Variants in FHIP1A observed in about 807,000 individuals in gnomAD.
FHIP1A encodes the protein FHF complex subunit HOOK-interacting protein 1A.
A neutral mutation model predicts 88.6 loss-of-function variants in FHIP1A; 61 were observed. The observed-to-expected ratio is 0.69, with a 90% CI of 0.56 to 0.85. The LOEUF (loss-of-function observed/expected upper bound fraction) is 0.85. FHIP1A is among the 40% of genes least tolerant of loss of function. The pLI, the probability that FHIP1A is intolerant of heterozygous loss-of-function variation, is 0.00. For missense variants in FHIP1A, 1,154 were observed against 1,273.5 expected (o/e 0.91, Z 1.43); for synonymous variants, 478 against 496.0 (o/e 0.96, Z 0.48).
chr4:151,540,497 G>A lies in FHIP1A; in HGVS notation c.-122-25641G>A, dbSNP rs149777866. ...ATACATTTCATAAAATGGTAAAATC[G>A]ACATTTTATCTTCCTGTGAAAAATT... On this transcript the variant is annotated intron_variant, in intron 3 of 13. Transcript: ENST00000435205. Among the ~76,000 whole-genome samples, 2,353 of 152,000 alleles carry A rather than the reference G, an allele frequency of 0.015. 141 individuals are homozygous for A. In the South Asian group the frequency reaches 0.23, roughly 15 times the overall value.
Position 151,409,620 on chromosome 4 carries a change from G to T in FHIP1A, c.-356+155G>T, listed in dbSNP as rs139335328. Among the ~76,000 whole-genome samples the T allele has an allele frequency of 1.1e-3, 169 of 152,254 alleles. 1 individual carries two copies. The highest frequency in any genetic ancestry group is 1.4e-3 in the Non-Finnish European group (92 of 68,010). On this transcript the variant is annotated intron_variant, in intron 1 of 13. Transcript: ENST00000435205. ...TGAGGGAGCAGGCATTGGGCTGGGG[G>T]CCGGCTGGGGATGTTCCAAACGAGG...
At chr4:151,576,960 T>C (rs1190070736) in intron 4 of FHIP1A, 1 of 153,574 alleles carries the variant, frequency 6.5e-6, no homozygotes, top group Non-Finnish European at 1.4e-5. Flanking sequence ...AAAAGCAATA[T>C]TATACATCAA....
chr4:151,579,475 C>G (rs1733942398), intron 5 of FHIP1A, among the ~76,000 whole-genome samples: 1 of 152,132 alleles, frequency 6.6e-6, no homozygotes, highest in Admixed American at 6.6e-5. Flanking sequence ...TGGGTTTTAG[C>G]TTATTTGAAT....
intron 7 of FHIP1A, among the ~76,000 whole-genome samples, chr4:151,605,892 G>T (rs1007820397): frequency 2.0e-5 from 3 of 152,176 alleles, no homozygotes; most frequent in African/African-American, 7.2e-5. Flanking sequence ...GGGCAGGCTG[G>T]AACTCCGGTA....
At chr4:151,485,903 A>G (rs1343157921) in intron 3 of FHIP1A, among the ~76,000 whole-genome samples, 4 of 152,216 alleles carry the variant, frequency 2.6e-5, no homozygotes, top group East Asian at 1.9e-4. Context: ...TTTATATTTA[A>G]CAAGCCCTCT....
At chr4:151,562,773 TTTTTAGCTTTTCTAATTA>T (rs1425711696) in intron 3 of FHIP1A, among the ~76,000 whole-genome samples, 3 of 152,196 alleles carry the variant, frequency 2.0e-5, no homozygotes, top group African/African-American at 7.2e-5. Flanking sequence ...TTTTGACATA[TTTTTAGCTTTTCTAATTA>T]TTGTAGCTGT....
intron 3 of FHIP1A, among the ~76,000 whole-genome samples, chr4:151,495,051 GTTGT>G (rs760506864): frequency 5.9e-5 from 9 of 152,138 alleles, no homozygotes; most frequent in Non-Finnish European, 1.3e-4. Flanking sequence ...CTTTGCTGAA[GTTGT>G]TTATCAGATT....
Position 151,598,918 on chromosome 4 carries a change from A to G in FHIP1A, c.978+9992A>G, listed in dbSNP as rs1320232786. On this transcript the variant is annotated intron_variant, in intron 7 of 13. Transcript: ENST00000435205. ...ATTTACTTTTAACTCACTTGTGTTA[A>G]TATTTGTATGTTGTGTAGAAAAAAC... Among the ~76,000 whole-genome samples the G allele has an allele frequency of 2.6e-5, 4 of 152,194 alleles. No individual in the cohort carries two copies. In the East Asian group the frequency reaches 7.7e-4, roughly 29 times the overall value.
chr4:151,645,509 T>C (rs1301091774), intron 9 of FHIP1A, among the ~76,000 whole-genome samples: 2 of 151,816 alleles, frequency 1.3e-5, no homozygotes, highest in Admixed American at 1.3e-4. Context: ...TTTTTATCTT[T>C]TTTTTACAAA....
chr4:151,487,541 C>T (rs1434762429), intron 3 of FHIP1A, among the ~76,000 whole-genome samples: 1 of 152,182 alleles, frequency 6.6e-6, no homozygotes, highest in Admixed American at 6.5e-5. Context: ...GTCAGGTTAT[C>T]GTGTCTGGCA....
chr4:151,536,915 CCCAGGCTGGAGTACAG>C (rs1213015615), intron 3 of FHIP1A, among the ~76,000 whole-genome samples: 1 of 152,102 alleles, frequency 6.6e-6, no homozygotes, highest in Admixed American at 6.5e-5. Flanking sequence ...TACTCCGTTG[CCCAGGCTGGAGTACAG>C]TGGCATGAAC....
chr4:151,540,137 C>A (rs1732231432), intron 3 of FHIP1A, among the ~76,000 whole-genome samples: 1 of 152,272 alleles, frequency 6.6e-6, no homozygotes, highest in East Asian at 1.9e-4. Flanking sequence ...TTTTAAGTTT[C>A]ATGATTAAAT....
intron 7 of FHIP1A, among the ~76,000 whole-genome samples, chr4:151,603,038 C>T (rs1157503762): frequency 2.0e-5 from 3 of 152,130 alleles, no homozygotes; most frequent in Admixed American, 6.5e-5. Context: ...TGTGGCCAGT[C>T]GCGGTGGCTC....
intron 3 of FHIP1A, among the ~76,000 whole-genome samples, chr4:151,502,157 G>GAA (rs370065238): frequency 0.39 from 44,717 of 113,806 alleles, 7,616 homozygotes; most frequent in Non-Finnish European, 0.45. Context: ...CTCTACAAAA[G>GAA]AAAAAAAAAA....
intron 7 of FHIP1A, among the ~76,000 whole-genome samples, chr4:151,613,963 G>A (rs374483923): frequency 3.5e-4 from 53 of 152,214 alleles, no homozygotes; most frequent in African/African-American, 1.2e-3. Flanking sequence ...AGGAGTTTGA[G>A]ACCAGCCTGG....
intron 7 of FHIP1A, among the ~76,000 whole-genome samples, chr4:151,595,816 A>C (rs1008777974): frequency 1.3e-5 from 2 of 152,110 alleles, no homozygotes; most frequent in South Asian, 4.1e-4. Context: ...TGTTGGTTTA[A>C]AGTATGTTTT....
intron 7 of FHIP1A, among the ~76,000 whole-genome samples, chr4:151,599,556 T>C (rs1308788373): frequency 1.3e-5 from 2 of 152,162 alleles, no homozygotes; most frequent in Non-Finnish European, 2.9e-5. Context: ...TCCTAGACTG[T>C]TGAAAAGTCT....
intron 3 of FHIP1A, among the ~76,000 whole-genome samples, chr4:151,537,918 A>G (rs1560755506): frequency 6.6e-6 from 1 of 152,160 alleles, no homozygotes; most frequent in African/African-American, 2.4e-5. Flanking sequence ...GAGTCTTGGC[A>G]TTCATCCCAG....
At chr4:151,624,197 A>G (rs551658317) in intron 7 of FHIP1A, among the ~76,000 whole-genome samples, 28 of 152,336 alleles carry the variant, frequency 1.8e-4, no homozygotes, top group African/African-American at 5.3e-4. Context: ...CAGAAAAACA[A>G]TCAACCAAAT....
Sources: allele counts gnomAD v4.1 joint callset (sites outside exome capture counted in the v4.1 genomes callset), GRCh38; gene constraint gnomAD v4.1.1; transcripts MANE v1.5; gene names NCBI Gene and HGNC (gene_info 2026-07-23, HGNC 2026-07-21).